The following PACRG variants were observed in gnomAD, a reference collection of about 807,000 sequenced individuals.
The protein encoded by PACRG is parkin coregulated.
Under a neutral mutation model 29.7 loss-of-function variants are expected in PACRG, and 29 were observed. The observed-to-expected ratio is 0.98, with a 90% CI of 0.73 to 1.33. The LOEUF (loss-of-function observed/expected upper bound fraction) is 1.33. PACRG is among the 40% of genes most tolerant of loss of function. The pLI, the probability that PACRG is intolerant of heterozygous loss-of-function variation, is 0.00. For missense variants in PACRG, 279 were observed against 316.2 expected, an observed-to-expected ratio of 0.88 and a Z score of 0.89; for synonymous variants, 116 against 118.7, an observed-to-expected ratio of 0.98 and a Z score of 0.15.
At chr6:163,003,099 A>C (rs988792002) in intron 2 of PACRG, among the ~76,000 whole-genome samples, 1 of 152,200 alleles carries the variant, frequency 6.6e-6, no homozygotes, top group Admixed American at 6.5e-5. Flanking sequence ...CATTCTCACC[A>C]GCTGCTGCTA....
chr6:162,978,481 C>T (rs200331295), intron 2 of PACRG, among the ~76,000 whole-genome samples: 25 of 107,748 alleles, frequency 2.3e-4, no homozygotes, highest in Admixed American at 6.7e-4. Flanking sequence ...CTCACACACA[C>T]ATACACACAC....
At chr6:162,955,374 A>G (rs1799940914) in intron 2 of PACRG, among the ~76,000 whole-genome samples, 1 of 152,076 alleles carries the variant, frequency 6.6e-6, no homozygotes, top group African/African-American at 2.4e-5. Flanking sequence ...GTCTTGGCTC[A>G]CTGCAAGCTC....
chr6:162,912,839 G>C (rs1796400627), intron 2 of PACRG, among the ~76,000 whole-genome samples: 1 of 151,190 alleles, frequency 6.6e-6, no homozygotes, highest in South Asian at 2.1e-4. Flanking sequence ...CAAAGTGCTG[G>C]GATTACAGGC....
chr6:162,947,377 CAT>C (rs1234577295), intron 2 of PACRG, among the ~76,000 whole-genome samples: 14 of 20,938 alleles, frequency 6.7e-4, no homozygotes, highest in African/African-American at 1.3e-3. Flanking sequence ...CATATATAAT[CAT>C]ATATATAATC....
intron 4 of PACRG, chr6:163,191,486 C>T: frequency 2.7e-6 from 1 of 365,462 alleles, no homozygotes; most frequent in Non-Finnish European, 5.4e-6. Flanking sequence ...GAGGTCACAG[C>T]CTCTCTGTGA....
intron 4 of PACRG, among the ~76,000 whole-genome samples, chr6:163,144,771 A>G (rs1777728402): frequency 6.6e-6 from 1 of 151,998 alleles, no homozygotes; most frequent in South Asian, 2.1e-4. Flanking sequence ...TCTCTCTCAA[A>G]AGAAAAAAAA....
intron 4 of PACRG, among the ~76,000 whole-genome samples, chr6:163,096,843 A>T (rs1408015543): frequency 6.6e-6 from 1 of 152,218 alleles, no homozygotes; most frequent in Non-Finnish European, 1.5e-5. Flanking sequence ...TTTTTAAGTT[A>T]ATATCATAAT....
At chr6:163,198,589 C>T (rs993308516) in intron 4 of PACRG, among the ~76,000 whole-genome samples, 3 of 152,146 alleles carry the variant, frequency 2.0e-5, no homozygotes, top group African/African-American at 7.2e-5. Flanking sequence ...TTGTCTGGCA[C>T]CAAGGATCTG....
At chr6:163,166,858 A>G (rs1384790219) in intron 4 of PACRG, among the ~76,000 whole-genome samples, 1 of 152,210 alleles carries the variant, frequency 6.6e-6, no homozygotes, top group Non-Finnish European at 1.5e-5. Context: ...CTGACAAAAT[A>G]CTTTTTATTT....
intron 2 of PACRG, among the ~76,000 whole-genome samples, chr6:163,050,890 CT>C (rs1809934978): frequency 6.6e-6 from 1 of 152,114 alleles, no homozygotes. Flanking sequence ...ATATTTACAT[CT>C]TTCTTAATTA....
At chr6:163,255,202 G>C (rs1382268247) in intron 4 of PACRG, among the ~76,000 whole-genome samples, 1 of 152,192 alleles carries the variant, frequency 6.6e-6, no homozygotes, top group Non-Finnish European at 1.5e-5. Flanking sequence ...AATTGTTGGT[G>C]TCACCTGGGA....
At chr6:162,739,946 T>G (rs545517234) in intron 1 of PACRG, among the ~76,000 whole-genome samples, 102 of 152,200 alleles carry the variant, frequency 6.7e-4, no homozygotes, top group Admixed American at 1.4e-3. Context: ...TGTTCACACA[T>G]ACATTGTTAA....
chr6:163,256,680 A>G (rs6903379), intron 4 of PACRG, among the ~76,000 whole-genome samples: 111,304 of 152,090 alleles, frequency 0.73, 40,992 homozygotes, highest in African/African-American at 0.79. Context: ...GAGTGAAGGC[A>G]AGAGTGGTAG....
chr6:163,050,412 C>T (rs1434536197), intron 2 of PACRG, among the ~76,000 whole-genome samples: 2 of 152,032 alleles, frequency 1.3e-5, no homozygotes, highest in African/African-American at 2.4e-5. Context: ...GTATCTTAGC[C>T]CCGCTTTATA....
At chr6:162,892,309 C>G (rs1239518590) in intron 2 of PACRG, among the ~76,000 whole-genome samples, 6 of 152,208 alleles carry the variant, frequency 3.9e-5, no homozygotes, top group African/African-American at 1.2e-4. Flanking sequence ...AAAACTGACT[C>G]AAAGACATCT....
At chr6:163,291,447 C>A (rs1374379008) in intron 4 of PACRG, among the ~76,000 whole-genome samples, 2 of 124,948 alleles carry the variant, frequency 1.6e-5, no homozygotes, top group African/African-American at 7.5e-5. Flanking sequence ...GCAAGATGAC[C>A]CCTCTGCCCG....
chr6:163,279,182 A>G (rs992454757), intron 4 of PACRG, among the ~76,000 whole-genome samples: 2 of 152,170 alleles, frequency 1.3e-5, no homozygotes, highest in Non-Finnish European at 2.9e-5. Context: ...GTGTACATTA[A>G]TTTTGTATCT....
chr6:163,097,471 A>G (rs1254330620), intron 4 of PACRG, among the ~76,000 whole-genome samples: 3 of 152,212 alleles, frequency 2.0e-5, no homozygotes, highest in Non-Finnish European at 4.4e-5. Context: ...AAAAAGAGTC[A>G]CACTCTGTAA....
intron 2 of PACRG, among the ~76,000 whole-genome samples, chr6:162,839,199 A>C (rs1237227983): frequency 1.9e-3 from 179 of 96,318 alleles, no homozygotes; most frequent in Middle Eastern, 0.01. Context: ...ACTAGTTTAC[A>C]ATCCCACCAA....
Sources: gnomAD v4.1 joint callset for allele counts (sites outside exome capture counted in the v4.1 genomes callset) on GRCh38, gnomAD v4.1.1 for gene constraint, MANE v1.5 for transcripts, NCBI Gene and HGNC (gene_info 2026-07-23, HGNC 2026-07-21) for gene names.